The following SEMA5A variants were observed in gnomAD, a reference collection of about 807,000 sequenced individuals.
The protein encoded by SEMA5A is semaphorin 5A, also known as semaphorin-5A.
A neutral mutation model predicts 135.5 loss-of-function variants in SEMA5A; 55 were observed. That is an observed-to-expected ratio of 0.41 (90% CI 0.33 to 0.51). The LOEUF (loss-of-function observed/expected upper bound fraction) is 0.51, where lower values mean the gene tolerates loss of function less well. SEMA5A is among the 20% of genes least tolerant of loss of function. SEMA5A has a pLI of 0.37. For missense variants in SEMA5A, 1,290 were observed against 1,419.9 expected (o/e 0.91, Z 1.47); for synonymous variants, 580 against 546.5 (o/e 1.06, Z -0.85).
rs1742858836 is a variant in SEMA5A at position 9,154,679 on chromosome 5, C to T, written c.1290G>A (p.Lys430=). Reference sequence around the variant, plus strand: ...TCTGATTCAGGGGTACCCGCACTTTCTTAATGGTTCCGTAATCTATGAAGG... The same window carrying T: ...TCTGATTCAGGGGTACCCGCACTTTTTTAATGGTTCCGTAATCTATGAAGG... ...IYLATDYGTI[K]KVRVPLNQTS... is the part of the protein sequence containing the mutation. The change falls in exon 12 of 23, where the codon AAG becomes AAA. Residue 430 remains lysine, a synonymous_variant. Coordinates refer to ENST00000382496, the MANE Select transcript of SEMA5A (RefSeq NM_003966.3). The T allele has an allele frequency of 6.2e-7, 1 of 1,613,876 alleles. No individual in the cohort carries two copies. The highest frequency in any genetic ancestry group is 1.3e-5 in the African/African-American group (1 of 74,910).
At chr5:9,141,525 T>G (rs1742065200) in intron 12 of SEMA5A, among the ~76,000 whole-genome samples, 2 of 152,180 alleles carry the variant, frequency 1.3e-5, no homozygotes, top group African/African-American at 4.8e-5. Flanking sequence ...GTATCTGAAT[T>G]TAGATAAAAA....
At chr5:9,160,642 A>AT (rs1553995028) in intron 11 of SEMA5A, among the ~76,000 whole-genome samples, 8 of 151,538 alleles carry the variant, frequency 5.3e-5, no homozygotes, top group African/African-American at 9.7e-5. Context: ...AACAATTCTT[A>AT]ATATATATAT....
At position 9,440,359 on chromosome 5, in the gene SEMA5A, G is replaced by A. The variant is rs143123499; in HGVS notation, c.-174-2507C>T. Among the ~76,000 whole-genome samples, 959 of 152,320 alleles carry A rather than the reference G, an allele frequency of 6.3e-3. 14 individuals are homozygous for A. Among genetic ancestry groups the A allele is most frequent in the African/African-American group, 0.021 (874 of 41,576 alleles). ...ACTGGAAGTTGGAAAATTTTTAAGC[G>A]ACAGTTAACTACCCATTTAATAAGA... On this transcript the variant is annotated intron_variant, in intron 1 of 22. Transcript: ENST00000382496.
intron 3 of SEMA5A, among the ~76,000 whole-genome samples, chr5:9,378,695 C>A (rs1005635626): frequency 3.9e-5 from 6 of 152,208 alleles, no homozygotes; most frequent in Non-Finnish European, 8.8e-5. Context: ...AAAAGAGACT[C>A]AAGAAATATA....
intron 18 of SEMA5A, among the ~76,000 whole-genome samples, chr5:9,056,911 C>T (rs1007646560): frequency 4.6e-5 from 7 of 152,120 alleles, no homozygotes; most frequent in Non-Finnish European, 8.8e-5. Flanking sequence ...AAAGCAAATG[C>T]GGTAGGTACA....
chr5:9,062,054 A>G (rs1339583959), intron 18 of SEMA5A, among the ~76,000 whole-genome samples: 1 of 152,196 alleles, frequency 6.6e-6, no homozygotes, highest in Admixed American at 6.5e-5. Context: ...ATTTCAGACC[A>G]CATTAGAAAG....
At chr5:9,136,884 G>A (rs1030532763) in intron 12 of SEMA5A, among the ~76,000 whole-genome samples, 16 of 152,104 alleles carry the variant, frequency 1.1e-4, no homozygotes, top group Admixed American at 5.9e-4. Flanking sequence ...GAGCCAACAC[G>A]AGCATTTTGC....
chr5:9,471,116 G>C (rs1759460898), intron 1 of SEMA5A, among the ~76,000 whole-genome samples: 1 of 152,172 alleles, frequency 6.6e-6, no homozygotes, highest in African/African-American at 2.4e-5. Flanking sequence ...CTTGGAAAAG[G>C]TCAGGGCTCA....
intron 2 of SEMA5A, among the ~76,000 whole-genome samples, chr5:9,432,062 C>T (rs994540253): frequency 1.3e-5 from 2 of 152,164 alleles, no homozygotes; most frequent in African/African-American, 4.8e-5. Flanking sequence ...TTCCCAAGTT[C>T]CATAATGGGG....
At chr5:9,189,065 C>G (rs1021296181) in intron 11 of SEMA5A, among the ~76,000 whole-genome samples, 1 of 152,250 alleles carries the variant, frequency 6.6e-6, no homozygotes, top group Non-Finnish European at 1.5e-5. Flanking sequence ...ACTGGCCAGT[C>G]CCACATCTGG....
intron 15 of SEMA5A, among the ~76,000 whole-genome samples, chr5:9,114,645 A>T (rs58244501): frequency 0.011 from 1,693 of 152,320 alleles, 31 homozygotes; most frequent in African/African-American, 0.039. Flanking sequence ...AAATTTCCAA[A>T]CAAAGTGTTG....
Position 9,318,412 on chromosome 5 carries a change from T to C in SEMA5A, c.230A>G (p.Tyr77Cys), listed in dbSNP as rs747083188. 7 of 1,612,014 alleles carry C rather than the reference T, an allele frequency of 4.3e-6. No individual in the cohort carries two copies. The South Asian group carries it at 7.7e-5, about 18-fold the overall frequency. Reference protein sequence around the residue: ...QKELVVGARNYLFRLQLEDLS... With the variant: ...QKELVVGARNCLFRLQLEDLS... ...ATCCTCAAGCTGTAACCTGAAGAGG[T>C]AGTTTCTGCAAAATACAAAAACAGA... Residue 77 changes from tyrosine (Y) to cysteine (C), a missense_variant, in exon 5 of 23, where the codon TAC (tyrosine) becomes TGC (cysteine). By Grantham distance (194) the Tyr-to-Cys change is radical (BLOSUM62 -2). Transcript: ENST00000382496.
intron 1 of SEMA5A, among the ~76,000 whole-genome samples, chr5:9,474,910 C>T (rs918196696): frequency 1.3e-5 from 2 of 152,158 alleles, no homozygotes; most frequent in African/African-American, 4.8e-5. Flanking sequence ...CATTCTTGTA[C>T]TTTTGGTTCC....
At chr5:9,473,661 G>A (rs1233161216) in intron 1 of SEMA5A, among the ~76,000 whole-genome samples, 1 of 152,146 alleles carries the variant, frequency 6.6e-6, no homozygotes, top group Admixed American at 6.5e-5. Context: ...TAAAGGAGAA[G>A]AGAAAGAAAC....
chr5:9,293,104 A>G (rs1442209643), intron 5 of SEMA5A, among the ~76,000 whole-genome samples: 1 of 152,058 alleles, frequency 6.6e-6, no homozygotes. Context: ...ATACCTTGTG[A>G]TGGCACTGCC....
chr5:9,202,152 T>C lies in SEMA5A; in HGVS notation c.735A>G (p.Thr245=), dbSNP rs1410845046. 4 of 1,614,194 alleles carry C rather than the reference T, an allele frequency of 2.5e-6. No individual in the cohort carries two copies. Among genetic ancestry groups the C allele is most frequent in the East Asian group, 4.5e-5 (2 of 44,874 alleles). The change falls in exon 9 of 23, where the codon ACA becomes ACG. Residue 245 remains threonine, a synonymous_variant. Transcript: ENST00000382496. ...ACACCCGGGCAGCTCTGGAGAACACTGTTTTCCCACAGTCATGCTCTACTG... is the reference window on the plus strand; with the variant it reads ...ACACCCGGGCAGCTCTGGAGAACACCGTTTTCCCACAGTCATGCTCTACTG... ...ENAVEHDCGK[T]VFSRAARVCK...
chr5:9,182,625 T>C (rs919917151), intron 11 of SEMA5A, among the ~76,000 whole-genome samples: 1 of 151,928 alleles, frequency 6.6e-6, no homozygotes, highest in East Asian at 1.9e-4. Context: ...GAGCATGCCA[T>C]GCTCACCTCC....
intron 1 of SEMA5A, among the ~76,000 whole-genome samples, chr5:9,535,586 A>AG (rs3834274): frequency 0.72 from 109,323 of 151,852 alleles, 39,680 homozygotes; most frequent in Middle Eastern, 0.78. Context: ...AAAAAAATGC[A>AG]GGGAGGAGTG....
At chr5:9,138,472 AATCT>A (rs1339145716) in intron 12 of SEMA5A, among the ~76,000 whole-genome samples, 7 of 152,276 alleles carry the variant, frequency 4.6e-5, no homozygotes, top group African/African-American at 1.7e-4. Flanking sequence ...TACAACCAAT[AATCT>A]ATTATTGCAC....
Sources: allele counts gnomAD v4.1 joint callset (sites outside exome capture counted in the v4.1 genomes callset), GRCh38; gene constraint gnomAD v4.1.1; transcripts MANE v1.5; gene names NCBI Gene and HGNC (gene_info 2026-07-23, HGNC 2026-07-21).